THSD7B: variants seen among roughly 807,000 people sequenced by gnomAD.
THSD7B encodes the protein thrombospondin type-1 domain-containing protein 7B.
In THSD7B, 138 loss-of-function variants were observed where a neutral mutation model predicts 213.6. The ratio of observed to expected loss-of-function variants is 0.65; its 90% CI spans 0.56 to 0.74. The LOEUF (loss-of-function observed/expected upper bound fraction) is 0.74, where lower values mean the gene tolerates loss of function less well. THSD7B is among the 30% of genes least tolerant of loss of function. THSD7B has a pLI of 0.00. For missense variants in THSD7B, 1,931 were observed against 1,991.5 expected (o/e 0.97, Z 0.58); for synonymous variants, 742 against 687.0 (o/e 1.08, Z -1.25).
At chr2:137,586,873 A>G (rs1681741832) in intron 17 of THSD7B, among the ~76,000 whole-genome samples, 1 of 152,108 alleles carries the variant, frequency 6.6e-6, no homozygotes, top group Non-Finnish European at 1.5e-5. Flanking sequence ...CTGAATTTGA[A>G]TGTTGGCCTG....
intron 15 of THSD7B, among the ~76,000 whole-genome samples, chr2:137,468,358 A>G (rs981465510): frequency 2.6e-5 from 4 of 152,122 alleles, no homozygotes; most frequent in African/African-American, 9.7e-5. Flanking sequence ...AGTGCAAGGC[A>G]ATGAGACATC....
intron 1 of THSD7B, among the ~76,000 whole-genome samples, chr2:136,830,456 G>T (rs1040250342): frequency 3.9e-5 from 6 of 151,972 alleles, no homozygotes; most frequent in Non-Finnish European, 7.4e-5. Context: ...TGCCTCTTGG[G>T]GGTTCTTTTC....
At chr2:137,673,363 G>GTT (rs899363977) in intron 27 of THSD7B, among the ~76,000 whole-genome samples, 1 of 152,204 alleles carries the variant, frequency 6.6e-6, no homozygotes, top group African/African-American at 2.4e-5. Context: ...CAAGAGTGCT[G>GTT]TTAGGAAGAA....
intron 5 of THSD7B, among the ~76,000 whole-genome samples, chr2:137,154,646 C>T (rs985912002): frequency 4.0e-5 from 6 of 151,860 alleles, no homozygotes; most frequent in Admixed American, 6.6e-5. Context: ...TCTTATTTCT[C>T]GGTTAATTCA....
intron 14 of THSD7B, among the ~76,000 whole-genome samples, chr2:137,435,070 C>G (rs184190779): frequency 1.4e-4 from 21 of 152,218 alleles, no homozygotes; most frequent in African/African-American, 4.6e-4. Context: ...TTAATACCAC[C>G]TGTATTCACT....
chr2:137,313,806 C>A (rs1349195386), intron 12 of THSD7B, among the ~76,000 whole-genome samples: 1 of 152,120 alleles, frequency 6.6e-6, no homozygotes, highest in Admixed American at 6.5e-5. Context: ...GTTGAAAATT[C>A]TTTTCTTTAA....
intron 15 of THSD7B, among the ~76,000 whole-genome samples, chr2:137,558,120 A>G (rs2105216749): frequency 6.6e-6 from 1 of 152,318 alleles, no homozygotes; most frequent in East Asian, 1.9e-4. Flanking sequence ...TCACAGCCGA[A>G]TTCTACCAGA....
At chr2:136,974,182 T>A (rs1005570938) in intron 2 of THSD7B, among the ~76,000 whole-genome samples, 7 of 152,214 alleles carry the variant, frequency 4.6e-5, no homozygotes, top group African/African-American at 1.7e-4. Flanking sequence ...TGTATCAAAA[T>A]ATACTGTTTT....
intron 16 of THSD7B, among the ~76,000 whole-genome samples, chr2:137,570,823 C>T (rs149512333): frequency 9.2e-5 from 14 of 152,160 alleles, no homozygotes; most frequent in East Asian, 7.7e-4. Context: ...AACACCCAGG[C>T]GAGGACTTAG....
chr2:137,116,473 C>T (rs1688448590), intron 5 of THSD7B, among the ~76,000 whole-genome samples: 1 of 152,162 alleles, frequency 6.6e-6, no homozygotes, highest in South Asian at 2.1e-4. Context: ...TCTTTCCATT[C>T]CAGCTCCTCT....
chr2:137,291,531 CATGTA>C (rs1683338058), intron 12 of THSD7B, among the ~76,000 whole-genome samples: 1 of 152,056 alleles, frequency 6.6e-6, no homozygotes, highest in Non-Finnish European at 1.5e-5. Context: ...AACAAAAATA[CATGTA>C]ATGAAAGTAT....
chr2:137,238,564 T>TTC lies in THSD7B; in HGVS notation c.2151-3893_2151-3892insTC, dbSNP rs1553481982. On this transcript the variant is annotated intron_variant, in intron 9 of 27. Coordinates refer to ENST00000409968, the MANE Select transcript of THSD7B (RefSeq NM_001316349.2). ...TTTTTTTTTTTTTTTTTTTTTTTTTTGAGACGGAGTCTCGCTCTGTCGCCC... is the reference window on the plus strand; with the variant it reads ...TTTTTTTTTTTTTTTTTTTTTTTTTTTCGAGACGGAGTCTCGCTCTGTCGCCC... Among the ~76,000 whole-genome samples the TTC allele has an allele frequency of 3.0e-4, 25 of 83,402 alleles. 2 individuals carry two copies. Among genetic ancestry groups the TTC allele is most frequent in the East Asian group, 6.8e-4 (2 of 2,930 alleles). 54.7% of individuals were successfully genotyped at this position (83,402 alleles called of 152,430 possible).
intron 12 of THSD7B, among the ~76,000 whole-genome samples, chr2:137,296,888 A>G (rs1470309268): frequency 6.6e-6 from 1 of 151,800 alleles, no homozygotes; most frequent in African/African-American, 2.4e-5. Context: ...GTCCATTGTG[A>G]TACACTCAGT....
At chr2:137,280,549 A>G (rs148759860) in intron 12 of THSD7B, among the ~76,000 whole-genome samples, 61 of 152,252 alleles carry the variant, frequency 4.0e-4, no homozygotes, top group African/African-American at 1.3e-3. Flanking sequence ...GAAAAACAAG[A>G]AGATAGAACA....
At chr2:137,619,497 T>A (rs2104841482) in intron 19 of THSD7B, among the ~76,000 whole-genome samples, 1 of 152,338 alleles carries the variant, frequency 6.6e-6, no homozygotes, top group East Asian at 1.9e-4. Context: ...TGAAACTGAC[T>A]GATACAGGGC....
At chr2:137,272,799 A>T in intron 11 of THSD7B, 137 bp downstream of exon 11, 3 of 965,646 alleles carry the variant, frequency 3.1e-6, no homozygotes, top group Non-Finnish European at 4.5e-6. Flanking sequence ...ATACTTTAAT[A>T]TTCTTACCCT....
intron 14 of THSD7B, among the ~76,000 whole-genome samples, chr2:137,429,370 A>G (rs1687125028): frequency 6.6e-6 from 1 of 152,208 alleles, no homozygotes; most frequent in African/African-American, 2.4e-5. Flanking sequence ...AGCAAAGAAT[A>G]ACAATTCAAA....
intron 3 of THSD7B, among the ~76,000 whole-genome samples, chr2:137,061,517 C>G (rs1257126159): frequency 2.7e-5 from 4 of 146,716 alleles, no homozygotes; most frequent in Non-Finnish European, 6.0e-5. Flanking sequence ...GTGTTTTGAT[C>G]AAGTCAAGGA....
At chr2:137,591,488 A>G (rs73958902) in intron 17 of THSD7B, among the ~76,000 whole-genome samples, 32,665 of 151,748 alleles carry the variant, frequency 0.22, 3,655 homozygotes, top group Middle Eastern at 0.32. Flanking sequence ...AAAGTTTTTC[A>G]TATTATTTAA....
Sources: allele counts gnomAD v4.1 joint callset (sites outside exome capture counted in the v4.1 genomes callset), GRCh38; gene constraint gnomAD v4.1.1; transcripts MANE v1.5; gene names NCBI Gene and HGNC (gene_info 2026-07-23, HGNC 2026-07-21).